The following DHTKD1 variants were observed in gnomAD, a reference collection of about 807,000 sequenced individuals.
DHTKD1 encodes 2-oxoadipate dehydrogenase complex component E1.
A neutral mutation model predicts 101.8 loss-of-function variants in DHTKD1; 78 were observed. The ratio of observed to expected loss-of-function variants is 0.77; its 90% CI spans 0.64 to 0.93. DHTKD1 has a LOEUF of 0.93. Ranked by LOEUF, DHTKD1 falls within the 40% of genes least tolerant of loss-of-function variation. DHTKD1 has a pLI of 0.00. For synonymous variants in DHTKD1, 462 were observed against 450.3 expected (o/e 1.03, Z -0.33); for missense variants, 1,223 against 1,161.7 (o/e 1.05, Z -0.77).
chr10:12,086,211 C>A lies in DHTKD1; in HGVS notation c.523-1324C>A, dbSNP rs536661824. Among the ~76,000 whole-genome samples, 303 of 114,882 alleles carry A rather than the reference C, an allele frequency of 2.6e-3. 2 individuals are homozygous for A. The highest frequency in any genetic ancestry group is 3.4e-3 in the Non-Finnish European group (201 of 59,734). The allele number at this position is 114,882 out of a possible 152,430, so 75.4% of individuals were successfully genotyped here. A position where few individuals can be genotyped will look rare whatever the true frequency, so the allele number is the denominator to read the frequency against. On this transcript the variant is annotated intron_variant, in intron 3 of 16. Transcript: ENST00000263035. The stretch of plus-strand genomic sequence containing the variant: ...AAAAATTTATTTAAAATTTATTTTT[C>A]TTTTGTTTTCTTTTCTTTTTTTTTT...
At chr10:12,091,197 G>T (rs1832984532) in intron 5 of DHTKD1, among the ~76,000 whole-genome samples, 2 of 151,996 alleles carry the variant, frequency 1.3e-5, no homozygotes, top group South Asian at 4.1e-4. Context: ...GATCACCTGA[G>T]GTCAGAAGTT....
intron 12 of DHTKD1, among the ~76,000 whole-genome samples, chr10:12,112,213 C>G (rs2131623674): frequency 6.6e-6 from 1 of 152,138 alleles, no homozygotes; most frequent in East Asian, 1.9e-4. Flanking sequence ...ACTTGGGAGG[C>G]TCTGGTGGGA....
intron 2 of DHTKD1, among the ~76,000 whole-genome samples, chr10:12,083,590 C>T (rs1832854806): frequency 6.6e-6 from 1 of 152,016 alleles, no homozygotes; most frequent in Non-Finnish European, 1.5e-5. Context: ...AAAAATTAGC[C>T]AGACGTGGTG....
At chr10:12,118,656 A>C (rs1257022596) in intron 14 of DHTKD1, 93 bp from the exon 15 acceptor site, 8 of 1,062,146 alleles carry the variant, frequency 7.5e-6, no homozygotes, top group Non-Finnish European at 9.1e-6. Context: ...TGCTGAGATT[A>C]CAGGCGTGAG....
At chr10:12,085,654 G>A (rs531554666) in intron 3 of DHTKD1, among the ~76,000 whole-genome samples, 5 of 152,216 alleles carry the variant, frequency 3.3e-5, no homozygotes, top group South Asian at 4.1e-4. Flanking sequence ...TTAGGTGGGC[G>A]TATTGCTTGA....
intron 1 of DHTKD1, 44 bp from the exon 2 acceptor site, chr10:12,081,428 C>T: frequency 6.4e-7 from 1 of 1,550,546 alleles, no homozygotes; most frequent in Non-Finnish European, 8.9e-7. Flanking sequence ...GATTTGTAGT[C>T]ATCTCCTAAA....
chr10:12,089,604 C>T (rs1309596420), intron 5 of DHTKD1, among the ~76,000 whole-genome samples: 8 of 149,502 alleles, frequency 5.4e-5, no homozygotes, highest in Non-Finnish European at 1.0e-4. Flanking sequence ...ACAAGACAAG[C>T]GTGAAAAAAA....
At chr10:12,084,817 G>A (rs1264842318) in intron 3 of DHTKD1, 66 bp downstream of exon 3, 12 of 1,407,936 alleles carry the variant, frequency 8.5e-6, no homozygotes, top group South Asian at 1.2e-5. Flanking sequence ...TTGGGAGGCC[G>A]AGGCGGGCGG....
Position 12,068,992 on chromosome 10 carries a change from C to T in DHTKD1, c.-42C>T, listed in dbSNP as rs766759357. The T allele has an allele frequency of 5.6e-6, 9 of 1,608,124 alleles. No homozygotes were observed. Among genetic ancestry groups the T allele is most frequent in the South Asian group, 1.1e-5 (1 of 90,496 alleles). On this transcript the variant is annotated 5_prime_UTR_variant, in exon 1 of 17. Transcript: ENST00000263035. Reference sequence around the variant, plus strand: ...TTTACCAGGGCCGGTGGGATCCCCTCGGGCTCCCGCCTTAGCATGCTGGCC... The same window carrying T: ...TTTACCAGGGCCGGTGGGATCCCCTTGGGCTCCCGCCTTAGCATGCTGGCC...
intron 5 of DHTKD1, among the ~76,000 whole-genome samples, chr10:12,090,206 A>G (rs1832966205): frequency 6.6e-6 from 1 of 152,190 alleles, no homozygotes; most frequent in Non-Finnish European, 1.5e-5. Flanking sequence ...CAGTCTTCAA[A>G]TTCCACAGAA....
intron 5 of DHTKD1, among the ~76,000 whole-genome samples, chr10:12,091,064 A>T (rs1021245136): frequency 2.0e-5 from 3 of 151,946 alleles, no homozygotes; most frequent in Non-Finnish European, 2.9e-5. Flanking sequence ...AAAAAAAAAC[A>T]AAAAAAGATT....
chr10:12,112,749 A>G, intron 12 of DHTKD1, 151 bp from the exon 13 acceptor site: 1 of 724,452 alleles, frequency 1.4e-6, no homozygotes, highest in Admixed American at 3.4e-5. Flanking sequence ...CCGTTCATAA[A>G]TTCACCTGCT....
In DHTKD1 at chr10:12,110,405, T is replaced by A. The variant is rs890215184; in HGVS notation, c.2154+2390T>A. On this transcript the variant is annotated intron_variant, in intron 12 of 16. Transcript: ENST00000263035. This position sits in a 1 kb window ranked among gnomAD's most constrained non-coding sequence, Gnocchi z 4.9. Reference sequence around the variant, plus strand: ...ATTGTTAGTGTTAGTGTATTTTATGTGTGGCACAAGACAATTCTTCTTCTT... The same window carrying A: ...ATTGTTAGTGTTAGTGTATTTTATGAGTGGCACAAGACAATTCTTCTTCTT... 6.6e-6 allele frequency among the ~76,000 whole-genome samples: 1 copy of A among 151,236 alleles called. No individual in the cohort carries two copies. The highest frequency in any genetic ancestry group is 1.5e-5 in the Non-Finnish European group (1 of 67,740).
At chr10:12,117,581 C>A in intron 13 of DHTKD1, 92 bp from the exon 14 acceptor site, 1 of 791,406 alleles carries the variant, frequency 1.3e-6, no homozygotes, top group Non-Finnish European at 2.2e-6. Context: ...TAGGCTAGAA[C>A]TTTGGTACTC....
intron 6 of DHTKD1, among the ~76,000 whole-genome samples, chr10:12,093,427 C>T (rs1426828959): frequency 6.6e-6 from 1 of 152,226 alleles, no homozygotes; most frequent in Admixed American, 6.5e-5. Flanking sequence ...CTTGTGTGAT[C>T]CCTCTTCAGC....
intron 10 of DHTKD1, among the ~76,000 whole-genome samples, chr10:12,101,747 G>GAA (rs1833174456): frequency 6.6e-6 from 1 of 152,116 alleles, no homozygotes; most frequent in South Asian, 2.1e-4. Context: ...GGGACCACGG[G>GAA]AATGAGGTGC....
In DHTKD1 at chr10:12,097,996, G is replaced by T; in HGVS notation, c.1671G>T (p.Gln557His). The change falls in exon 8 of 17, where the codon CAG (glutamine) becomes CAT (histidine). Residue 557 changes from glutamine to histidine, a missense_variant and splice_region_variant. Transcript: ENST00000263035. ...GTCACCTGCTGAAGACACATGTTCA[G>T]GTGGGCAGCCTCCAAATGGCTGGTT... The part of the protein sequence containing the change: ...MHSHLLKTHV[Q>H]SRMEKMMDGI... 4 of 1,594,336 alleles carry T rather than the reference G, an allele frequency of 2.5e-6. No individual in the cohort carries two copies. The highest frequency in any genetic ancestry group is 3.4e-6 in the Non-Finnish European group (4 of 1,166,672).
At position 12,107,333 on chromosome 10, in the gene DHTKD1, C is replaced by T. The variant is rs1009180687; in HGVS notation, c.2048-576C>T. The stretch of plus-strand genomic sequence containing the variant: ...AGTGGTGCCTGCGGTGGTATTGGAG[C>T]GGCATGTGCTGTCCAGGAAGCTGGG... On this transcript the variant is annotated intron_variant, in intron 11 of 16. Coordinates refer to ENST00000263035, the MANE Select transcript of DHTKD1 (RefSeq NM_018706.7). The surrounding 1 kb of genome is among the most constrained non-coding windows in gnomAD (Gnocchi z 4.1). 1.3e-5 allele frequency among the ~76,000 whole-genome samples: 2 copies of T among 151,580 alleles called. No individual in the cohort carries two copies. The highest frequency in any genetic ancestry group is 2.4e-5 in the African/African-American group (1 of 41,266).
chr10:12,091,395 G>A (rs1179401393), intron 5 of DHTKD1, 118 bp from the exon 6 acceptor site: 2 of 619,204 alleles, frequency 3.2e-6, no homozygotes, highest in African/African-American at 5.4e-5. Flanking sequence ...CTGGGCGAAA[G>A]AGCAAGACTC....
Sources: allele counts gnomAD v4.1 joint callset (sites outside exome capture counted in the v4.1 genomes callset), GRCh38; gene constraint gnomAD v4.1.1; non-coding constraint Gnocchi (gnomAD v3.1); transcripts MANE v1.5; gene names NCBI Gene and HGNC (gene_info 2026-07-23, HGNC 2026-07-21).